The following PLOD1 variants were observed in gnomAD, a reference collection of about 807,000 sequenced individuals.
PLOD1 encodes procollagen-lysine,2-oxoglutarate 5-dioxygenase 1.
In PLOD1, 70 loss-of-function variants were observed where a neutral mutation model predicts 94.7. The ratio of observed to expected loss-of-function variants is 0.74; its 90% CI spans 0.61 to 0.90. The LOEUF is 0.90. Among genes scored for constraint, PLOD1 ranks in the 40% least tolerant of loss-of-function variants. The pLI, the probability that PLOD1 is intolerant of heterozygous loss-of-function variation, is 0.00. For synonymous variants in PLOD1, 417 were observed against 400.2 expected (o/e 1.04, Z -0.50); for missense variants, 905 against 972.7 (o/e 0.93, Z 0.93).
At position 11,975,090 on chromosome 1, in the gene PLOD1, C is replaced by T. The variant is rs1273898022; in HGVS notation, c.*282C>T. The T allele has an allele frequency of 2.0e-6, 1 of 496,494 alleles. No homozygotes were observed. The highest frequency in any genetic ancestry group is 1.9e-5 in the African/African-American group (1 of 51,374). 30.8% of individuals were successfully genotyped at this position (496,494 alleles called of 1,614,324 possible). On this transcript the variant is annotated 3_prime_UTR_variant, in exon 19 of 19. Coordinates refer to ENST00000196061, the MANE Select transcript of PLOD1 (RefSeq NM_000302.4). ...TGACTCGTGCTCTCCAACCTGTCTT[C>T]CTGAAAAACCAAGGCCCCCTTCCCC...
chr1:11,941,590 C>T (rs1399904403), intron 1 of PLOD1, among the ~76,000 whole-genome samples: 1 of 151,898 alleles, frequency 6.6e-6, no homozygotes, highest in Non-Finnish European at 1.5e-5. Context: ...AGCAATTCTC[C>T]TATCTCAGCC....
Position 11,949,689 on chromosome 1 carries a change from G to T in PLOD1, c.169-84G>T, listed in dbSNP as rs537417768. 2.9e-4 allele frequency: 420 copies of T among 1,445,776 alleles called. 1 individual carries two copies. The highest frequency in any genetic ancestry group is 4.8e-4 in the Middle Eastern group (2 of 4,132). 89.6% of individuals were successfully genotyped at this position (1,445,776 alleles called of 1,614,324 possible). Reference sequence around the variant, plus strand: ...CACGTCTCGGCCTCCCAAAGTGCTGGGATTACCAGCATGAGCCACCACGGC... The same window carrying T: ...CACGTCTCGGCCTCCCAAAGTGCTGTGATTACCAGCATGAGCCACCACGGC... On this transcript the variant is annotated intron_variant, in intron 2 of 18. Transcript: ENST00000196061.
Position 11,963,822 on chromosome 1 carries a change from TTCC to T in PLOD1, c.1202+191_1202+193del, listed in dbSNP as rs754151845. Among the ~76,000 whole-genome samples the T allele has an allele frequency of 2.0e-4, 30 of 151,664 alleles. No homozygotes were observed. Among genetic ancestry groups the T allele is most frequent in the South Asian group, 1.0e-3 (5 of 4,802 alleles). ...CCTCCTCCTCTTCCTCTTCCTCCTC[TTCC>T]TCCTTTTTCCTCCTCCTCCTCGTCT... On this transcript the variant is annotated intron_variant, in intron 11 of 18. Transcript: ENST00000196061. This position sits in a 1 kb window ranked among gnomAD's most constrained non-coding sequence, Gnocchi z 4.3.
chr1:11,935,149 C>G (rs188199136), intron 1 of PLOD1, among the ~76,000 whole-genome samples: 53 of 152,360 alleles, frequency 3.5e-4, no homozygotes, highest in African/African-American at 1.2e-3. Context: ...CCAGTGCTCA[C>G]TATGGGCCAG....
In PLOD1 at chr1:11,934,878, C is replaced by G. The variant is rs1389541793; in HGVS notation, c.76+23C>G. 3.3e-6 allele frequency: 5 copies of G among 1,531,350 alleles called. No individual in the cohort carries two copies. The African/African-American group carries it at 6.9e-5, about 21-fold the overall frequency. The allele number at this position is 1,531,350 out of a possible 1,614,324, so 94.9% of individuals were successfully genotyped here. On this transcript the variant is annotated intron_variant, in intron 1 of 18. Coordinates refer to ENST00000196061, the MANE Select transcript of PLOD1 (RefSeq NM_000302.4). Reference sequence around the variant, plus strand: ...AGGGTGAGGGAGCGAAGGCCGGGGGCGGGAGCGCGGATCCGGGCGGGAGGG... The same window carrying G: ...AGGGTGAGGGAGCGAAGGCCGGGGGGGGGAGCGCGGATCCGGGCGGGAGGG...
At chr1:11,964,413 G>T (rs367788948) in intron 12 of PLOD1, 113 bp downstream of exon 12, 3 of 1,201,674 alleles carry the variant, frequency 2.5e-6, no homozygotes, top group East Asian at 2.3e-5. Flanking sequence ...AATTCCTGTT[G>T]AACCTGAAGC....
chr1:11,937,621 G>A (rs907060567), intron 1 of PLOD1, among the ~76,000 whole-genome samples: 3 of 152,128 alleles, frequency 2.0e-5, no homozygotes, highest in East Asian at 1.9e-4. Flanking sequence ...GATGAAGCCC[G>A]GTGAGTTGAA....
intron 1 of PLOD1, chr1:11,944,760 G>T: frequency 1.1e-6 from 1 of 948,206 alleles, no homozygotes; most frequent in Non-Finnish European, 1.4e-6. Flanking sequence ...GGGCCGCCTG[G>T]CGCCAGCCCT....
Position 11,972,728 on chromosome 1 carries a change from C to A in PLOD1, c.1903-144C>A. On this transcript the variant is annotated intron_variant, in intron 17 of 18. Transcript: ENST00000196061. The surrounding 1 kb of genome is among the most constrained non-coding windows in gnomAD (Gnocchi z 4.6). ...TCTGTGCCAGGTAGTTGCAGGCACTCGAGCATAGAGCCCCATGTAGACCTG... is the reference window on the plus strand; with the variant it reads ...TCTGTGCCAGGTAGTTGCAGGCACTAGAGCATAGAGCCCCATGTAGACCTG... The A allele has an allele frequency of 3.7e-6, 3 of 817,528 alleles. No individual in the cohort carries two copies. Among genetic ancestry groups the A allele is most frequent in the Non-Finnish European group, 6.3e-6 (3 of 475,698 alleles). 50.6% of individuals were successfully genotyped at this position (817,528 alleles called of 1,614,324 possible). A position where few individuals can be genotyped will look rare whatever the true frequency, so the allele number is the denominator to read the frequency against.
At chr1:11,946,013 G>A (rs914739864) in intron 1 of PLOD1, among the ~76,000 whole-genome samples, 10 of 152,080 alleles carry the variant, frequency 6.6e-5, no homozygotes, top group African/African-American at 2.4e-4. Flanking sequence ...CCAGCCTTCA[G>A]TAATACCTCT....
At position 11,963,697 on chromosome 1, in the gene PLOD1, C is replaced by A; in HGVS notation, c.1202+61C>A. 9.6e-7 allele frequency: 1 copy of A among 1,044,028 alleles called. No individual in the cohort carries two copies. Among genetic ancestry groups the A allele is most frequent in the Non-Finnish European group, 1.5e-6 (1 of 682,242 alleles). The allele number at this position is 1,044,028 out of a possible 1,614,324, so 64.7% of individuals were successfully genotyped here. A position where few individuals can be genotyped will look rare whatever the true frequency, so the allele number is the denominator to read the frequency against. ...GACTGGCCTGGTCCTGGGGTGGCAGCCCTCCTTGCCTTCCTCCTCCTCCTC... is the reference window on the plus strand; with the variant it reads ...GACTGGCCTGGTCCTGGGGTGGCAGACCTCCTTGCCTTCCTCCTCCTCCTC... On this transcript the variant is annotated intron_variant, in intron 11 of 18. Transcript: ENST00000196061. This position sits in a 1 kb window ranked among gnomAD's most constrained non-coding sequence, Gnocchi z 4.3.
chr1:11,964,742 A>G lies in PLOD1; in HGVS notation c.1427A>G (p.Lys476Arg), dbSNP rs576907642. ...TCCTCAGATCTCTTCCACCACAGCA[A>G]GCTGGACCCCGACATGGCCTTCTGT... ...LQSSDLFHHS[K>R]LDPDMAFCAN... Residue 476 changes from lysine to arginine, a missense_variant, in exon 13 of 19, where the codon AAG becomes AGG. Transcript: ENST00000196061. The G allele has an allele frequency of 4.2e-5, 68 of 1,613,766 alleles. No individual in the cohort carries two copies. In the African/African-American group the frequency reaches 7.6e-4, roughly 18 times the overall value.
chr1:11,954,310 CAAAAAAAAAAA>C (rs754503001), intron 5 of PLOD1: 12 of 161,616 alleles, frequency 7.4e-5, no homozygotes, highest in Middle Eastern at 2.5e-3. Context: ...CCATCTCTAG[CAAAAAAAAAAA>C]AAAAAAAAAA....
intron 1 of PLOD1, 142 bp downstream of exon 1, chr1:11,934,997 G>A (rs1431042406): frequency 2.1e-5 from 23 of 1,109,024 alleles, no homozygotes; most frequent in Non-Finnish European, 2.6e-5. Context: ...CTTAATCGCT[G>A]GTGACTTGAA....
rs190089221 is a variant in PLOD1 at position 11,969,010 on chromosome 1, A to C, written c.1756-1660A>C. ...GTAGCTGGGATTACAGGTGCTGGCC[A>C]CCATGCCTAATTTTTTTTTTTTTTT... On this transcript the variant is annotated intron_variant, in intron 16 of 18. Coordinates refer to ENST00000196061, the MANE Select transcript of PLOD1 (RefSeq NM_000302.4). 4.5e-3 allele frequency among the ~76,000 whole-genome samples: 637 copies of C among 142,878 alleles called. 8 individuals carry two copies. Among genetic ancestry groups the C allele is most frequent in the East Asian group, 0.042 (205 of 4,862 alleles). 93.7% of individuals were successfully genotyped at this position (142,878 alleles called of 152,430 possible). A position where few individuals can be genotyped will look rare whatever the true frequency, so the allele number is the denominator to read the frequency against.
At chr1:11,964,361 T>C in intron 12 of PLOD1, 61 bp downstream of exon 12, 1 of 1,526,116 alleles carries the variant, frequency 6.6e-7, no homozygotes, top group Non-Finnish European at 9.1e-7. Context: ...TGCCTGGGCT[T>C]GTGGGGCTCC....
Position 11,972,729 on chromosome 1 carries a change from G to C in PLOD1, c.1903-143G>C. The C allele has an allele frequency of 1.2e-6, 1 of 815,902 alleles. No individual in the cohort carries two copies. The highest frequency in any genetic ancestry group is 2.1e-6 in the Non-Finnish European group (1 of 474,360). 50.5% of individuals were successfully genotyped at this position (815,902 alleles called of 1,614,324 possible). A position where few individuals can be genotyped will look rare whatever the true frequency, so the allele number is the denominator to read the frequency against. On this transcript the variant is annotated intron_variant, in intron 17 of 18. Transcript: ENST00000196061. The surrounding 1 kb of genome is among the most constrained non-coding windows in gnomAD (Gnocchi z 4.6). ...CTGTGCCAGGTAGTTGCAGGCACTC[G>C]AGCATAGAGCCCCATGTAGACCTGG...
In PLOD1 at chr1:11,957,002, C is replaced by T. The variant is rs567164584; in HGVS notation, c.729C>T (p.Asn243=). Residue 243 remains asparagine (N), a synonymous_variant, in exon 7 of 19, where the codon AAC becomes AAT. Transcript: ENST00000196061. This position sits in a 1 kb window ranked among gnomAD's most constrained non-coding sequence, Gnocchi z 4.1. ...CCCTCCCGGTCCTGATCCATGGCAA[C>T]GGGCCAACCAAGGTAGGGGGTCCCC... ...YDTLPVLIHG[N]GPTKLQLNYL... is the part of the protein sequence containing the mutation. 28 of 1,611,394 alleles carry T rather than the reference C, an allele frequency of 1.7e-5. No homozygotes were observed. The highest frequency in any genetic ancestry group is 6.7e-5 in the East Asian group (3 of 44,850).
At chr1:11,946,027 T>A (rs912849206) in intron 1 of PLOD1, among the ~76,000 whole-genome samples, 4 of 152,142 alleles carry the variant, frequency 2.6e-5, no homozygotes, top group African/African-American at 9.7e-5. Context: ...TACCTCTTCA[T>A]GTGTGCCGAG....
Sources: gnomAD v4.1 joint callset for allele counts (sites outside exome capture counted in the v4.1 genomes callset) on GRCh38, gnomAD v4.1.1 for gene constraint, Gnocchi (gnomAD v3.1) non-coding constraint, MANE v1.5 for transcripts, NCBI Gene and HGNC (gene_info 2026-07-23, HGNC 2026-07-21) for gene names.